The following RASGRP4 variants were observed in gnomAD, a reference collection of about 807,000 sequenced individuals.
RASGRP4 encodes the protein RAS guanyl-releasing protein 4.
In RASGRP4, 52 loss-of-function variants were observed where a neutral mutation model predicts 84.4. That is an observed-to-expected ratio of 0.62 (90% CI 0.49 to 0.78). The LOEUF is 0.78. RASGRP4 is among the 30% of genes least tolerant of loss of function. The pLI, the probability that RASGRP4 is intolerant of heterozygous loss-of-function variation, is 0.00. For synonymous variants in RASGRP4, 356 were observed against 359.1 expected, an observed-to-expected ratio of 0.99 and a Z score of 0.10; for missense variants, 760 against 886.9, an observed-to-expected ratio of 0.86 and a Z score of 1.82.
At chr19:38,422,230 C>T in intron 1 of RASGRP4, 77 bp from the exon 2 acceptor site, 1 of 1,345,990 alleles carries the variant, frequency 7.4e-7, no homozygotes. Context: ...GACTCTAATG[C>T]CCCAAGGCAC....
At chr19:38,421,875 T>C in intron 2 of RASGRP4, 94 bp downstream of exon 2, 1 of 1,012,750 alleles carries the variant, frequency 9.9e-7, no homozygotes, top group East Asian at 2.6e-5. Context: ...CACCCAGCCC[T>C]GTTCTCATTT....
intron 1 of RASGRP4, 41 bp downstream of exon 1, chr19:38,426,028 C>G: frequency 7.4e-7 from 1 of 1,351,188 alleles, no homozygotes; most frequent in Non-Finnish European, 9.6e-7. Flanking sequence ...CAGAGGGAGG[C>G]CTCAGGGTGC....
Position 38,418,500 on chromosome 19 carries a change from G to A in RASGRP4, c.728C>T (p.Ser243Phe). The change falls in exon 7 of 17, where the codon TCC becomes TTC. Residue 243 changes from serine (S) to phenylalanine (F), a missense_variant. Transcript: ENST00000615439. This position sits in a 1 kb window ranked among gnomAD's most constrained non-coding sequence, Gnocchi z 4.6. ...GGACACGCTGTTGCTGAGACCTACG[G>A]AGCCCTCCAGGGCCGGGCAGCCTCG... ...SVRGCPALEG[S>F]VGLSNSVSRW... 6.4e-7 allele frequency: 1 copy of A among 1,563,192 alleles called. No individual in the cohort carries two copies. The highest frequency in any genetic ancestry group is 8.7e-7 in the Non-Finnish European group (1 of 1,154,316).
chr19:38,416,139 A>G (rs999158569), intron 8 of RASGRP4, among the ~76,000 whole-genome samples: 5 of 151,156 alleles, frequency 3.3e-5, no homozygotes, highest in African/African-American at 7.3e-5. Flanking sequence ...GACTACAGGC[A>G]TGGGCCACCA....
intron 2 of RASGRP4, 87 bp from the exon 3 acceptor site, chr19:38,421,287 C>A (rs369101143): frequency 2.1e-6 from 2 of 941,848 alleles, no homozygotes; most frequent in Non-Finnish European, 3.4e-6. Flanking sequence ...CCACCTGGTT[C>A]AAAGACCAGC....
rs1368316199 is a variant in RASGRP4 at position 38,410,796 on chromosome 19, T to C, written c.1965+90A>G. ...CAAGGACTTCTGCATATTTGTACTT[T>C]CTATGGGTCTCCAAATCTGTCCAGT... On this transcript the variant is annotated intron_variant, in intron 16 of 16. Coordinates refer to ENST00000615439, the MANE Select transcript of RASGRP4 (RefSeq NM_170604.3). 5 of 923,576 alleles carry C rather than the reference T, an allele frequency of 5.4e-6. No individual in the cohort carries two copies. In the East Asian group the frequency reaches 7.9e-5, roughly 15 times the overall value. The allele number at this position is 923,576 out of a possible 1,614,324, so 57.2% of individuals were successfully genotyped here. A position where few individuals can be genotyped will look rare whatever the true frequency, so the allele number is the denominator to read the frequency against.
chr19:38,417,754 C>T lies in RASGRP4; in HGVS notation c.838-586G>A, dbSNP rs868273517. Among the ~76,000 whole-genome samples the T allele has an allele frequency of 9.9e-5, 15 of 152,226 alleles. No homozygotes were observed. Among genetic ancestry groups the T allele is most frequent in the Middle Eastern group, 3.4e-3 (1 of 294 alleles). ...TGGGGCCAGGGAGGAATGGAAAATG[C>T]TCAGACTAAGGACACCCCAGGCGGA... On this transcript the variant is annotated intron_variant, in intron 7 of 16. Coordinates refer to ENST00000615439, the MANE Select transcript of RASGRP4 (RefSeq NM_170604.3). The surrounding 1 kb of genome is among the most constrained non-coding windows in gnomAD (Gnocchi z 5.1).
intron 1 of RASGRP4, among the ~76,000 whole-genome samples, chr19:38,423,574 C>T (rs767129151): frequency 2.6e-5 from 4 of 151,754 alleles, no homozygotes; most frequent in Non-Finnish European, 4.4e-5. Flanking sequence ...CAGTGGCTCA[C>T]GCCTGTAGTC....
chr19:38,426,136 G>A lies in RASGRP4; in HGVS notation c.-45C>T, dbSNP rs781032246. The A allele has an allele frequency of 4.6e-6, 6 of 1,299,222 alleles. No individual in the cohort carries two copies. Among genetic ancestry groups the A allele is most frequent in the Non-Finnish European group, 5.9e-6 (6 of 1,013,888 alleles). 80.5% of individuals were successfully genotyped at this position (1,299,222 alleles called of 1,614,324 possible). A position where few individuals can be genotyped will look rare whatever the true frequency, so the allele number is the denominator to read the frequency against. Reference sequence around the variant, plus strand: ...GAGGCCGGGGGTCTTGCAAGAGTAGGGCTCAGCTCCTCCCCTTGCCCAGGA... The same window carrying A: ...GAGGCCGGGGGTCTTGCAAGAGTAGAGCTCAGCTCCTCCCCTTGCCCAGGA... On this transcript the variant is annotated 5_prime_UTR_variant, in exon 1 of 17. Transcript: ENST00000615439.
rs775595658 is a variant in RASGRP4, at chr19:38,421,169, G to A, written c.240C>T (p.His80=). The change falls in exon 3 of 17, where the codon CAC becomes CAT. Residue 80 remains histidine (H), a synonymous_variant. Transcript: ENST00000615439. ...GCATGGCCAGCACCATGTTGAGCAT[G>A]TGGTCCTCGTGGCACAGGCTGCCAG... ...DSAGSLCHED[H]MLNMVLAMHS... is the part of the protein sequence containing the mutation. The A allele has an allele frequency of 5.5e-5, 89 of 1,613,716 alleles. No homozygotes were observed. The highest frequency in any genetic ancestry group is 6.7e-5 in the Non-Finnish European group (79 of 1,179,822).
Position 38,410,088 on chromosome 19 carries a change from G to A in RASGRP4, c.1974C>T (p.Cys658=). The A allele has an allele frequency of 6.2e-7, 1 of 1,611,732 alleles. No individual in the cohort carries two copies. The highest frequency in any genetic ancestry group is 8.5e-7 in the Non-Finnish European group (1 of 1,178,768). Residue 658 remains cysteine (C), a synonymous_variant, in exon 17 of 17, where the codon TGC becomes TGT. Transcript: ENST00000615439. ...HPSWETDTVP[C]PVMDPPSTAS... ...CAGTTGATGGTGGGTCCATCACCGG[G>A]CAGGGGACCTGGAAGGAGGAAGGGA...
intron 2 of RASGRP4, 55 bp from the exon 3 acceptor site, chr19:38,421,255 C>CAACCA: frequency 7.8e-7 from 1 of 1,280,682 alleles, no homozygotes; most frequent in Admixed American, 1.7e-5. Context: ...CAATGCAGAG[C>CAACCA]GTAGCTCCAG....
At position 38,412,561 on chromosome 19, in the gene RASGRP4, G is replaced by T; in HGVS notation, c.1680+111C>A. ...TGGTGTTTAGGGTTTATATGAAACA[G>T]GATGATTTGAAGCTGGAGGATTTCT... On this transcript the variant is annotated intron_variant, in intron 13 of 16. Coordinates refer to ENST00000615439, the MANE Select transcript of RASGRP4 (RefSeq NM_170604.3). This position sits in a 1 kb window ranked among gnomAD's most constrained non-coding sequence, Gnocchi z 4.6. The T allele has an allele frequency of 9.9e-7, 1 of 1,006,440 alleles. No individual in the cohort carries two copies. The highest frequency in any genetic ancestry group is 1.4e-6 in the Non-Finnish European group (1 of 691,060). The allele number at this position is 1,006,440 out of a possible 1,614,324, so 62.3% of individuals were successfully genotyped here.
In RASGRP4 at chr19:38,409,120, G is replaced by T; in HGVS notation, c.*920C>A. The T allele has an allele frequency of 2.6e-6, 1 of 387,224 alleles. No individual in the cohort carries two copies. 24.0% of individuals were successfully genotyped at this position (387,224 alleles called of 1,614,324 possible). A position where few individuals can be genotyped will look rare whatever the true frequency, so the allele number is the denominator to read the frequency against. ...CTCTCTCTGTGGGGGCCAAGTCAGG[G>T]GTGTTGGGGTTTGTGAAGGGGTTGG... On this transcript the variant is annotated 3_prime_UTR_variant, in exon 17 of 17. Transcript: ENST00000615439.
chr19:38,409,094 C>T lies in RASGRP4; in HGVS notation c.*946G>A. On this transcript the variant is annotated 3_prime_UTR_variant, in exon 17 of 17. Transcript: ENST00000615439. ...AATTTAATTTATGACAGCTGTAGGACCTCTCTCTGTGGGGGCCAAGTCAGG... is the reference window on the plus strand; with the variant it reads ...AATTTAATTTATGACAGCTGTAGGATCTCTCTCTGTGGGGGCCAAGTCAGG... 1 of 469,672 alleles carries T rather than the reference C, an allele frequency of 2.1e-6. No individual in the cohort carries two copies. The highest frequency in any genetic ancestry group is 3.6e-6 in the Non-Finnish European group (1 of 279,318). 29.1% of individuals were successfully genotyped at this position (469,672 alleles called of 1,614,324 possible).
At chr19:38,416,587 A>G (rs1971512404) in intron 8 of RASGRP4, among the ~76,000 whole-genome samples, 1 of 152,072 alleles carries the variant, frequency 6.6e-6, no homozygotes, top group Non-Finnish European at 1.5e-5. Context: ...CGCTGGGATT[A>G]CAAGTGTGAG....
chr19:38,420,347 G>A (rs80159218), intron 4 of RASGRP4, 85 bp from the exon 5 acceptor site: 94,240 of 1,471,486 alleles, frequency 0.064, 3,379 homozygotes, highest in African/African-American at 0.089. Flanking sequence ...GAATTTCTAG[G>A]TGCTGAGCTA....
intron 6 of RASGRP4, among the ~76,000 whole-genome samples, chr19:38,419,327 G>A (rs892883293): frequency 6.6e-6 from 1 of 152,220 alleles, no homozygotes; most frequent in Non-Finnish European, 1.5e-5. Context: ...TGAGGAAACT[G>A]AGGCACCATG....
rs1971326539 is a variant in RASGRP4 at position 38,412,904 on chromosome 19, G to A, written c.1535+27C>T. 1 of 1,613,550 alleles carries A rather than the reference G, an allele frequency of 6.2e-7. No individual in the cohort carries two copies. Among genetic ancestry groups the A allele is most frequent in the African/African-American group, 1.3e-5 (1 of 74,932 alleles). On this transcript the variant is annotated intron_variant, in intron 12 of 16. Transcript: ENST00000615439. This position sits in a 1 kb window ranked among gnomAD's most constrained non-coding sequence, Gnocchi z 4.6. ...GGCAACCCCAGTGTCCTCATCTTCGGAGGATCCAGGAGTCACAACCACTTA... is the reference window on the plus strand; with the variant it reads ...GGCAACCCCAGTGTCCTCATCTTCGAAGGATCCAGGAGTCACAACCACTTA...
Sources: allele counts gnomAD v4.1 joint callset (sites outside exome capture counted in the v4.1 genomes callset), GRCh38; gene constraint gnomAD v4.1.1; non-coding constraint Gnocchi (gnomAD v3.1); transcripts MANE v1.5; gene names NCBI Gene and HGNC (gene_info 2026-07-23, HGNC 2026-07-21).